Variants in NOBOX observed in about 807,000 individuals in gnomAD.
NOBOX encodes the protein NOBOX oogenesis homeobox.
Under a neutral mutation model 60.2 loss-of-function variants are expected in NOBOX, and 46 were observed. The observed-to-expected ratio is 0.76, with a 90% CI of 0.60 to 0.98. NOBOX has a LOEUF of 0.98. Ranked by LOEUF, NOBOX falls within the 50% of genes least tolerant of loss-of-function variation. NOBOX has a pLI of 0.00. For missense variants in NOBOX, 880 were observed against 865.5 expected, an observed-to-expected ratio of 1.02 and a Z score of -0.21; for synonymous variants, 360 against 346.3, an observed-to-expected ratio of 1.04 and a Z score of -0.44.
At chr7:144,403,723 C>T (rs887871235) in intron 2 of NOBOX, 30 bp from the exon 1 acceptor site, 5 of 699,260 alleles carry the variant, frequency 7.2e-6, no homozygotes, top group Admixed American at 6.0e-5. Flanking sequence ...GCGGCCGGCC[C>T]GTGATGCACA....
At chr7:144,399,347 T>C (rs1232184235) in intron 7 of NOBOX, 50 bp downstream of exon 5, 1 of 1,354,428 alleles carries the variant, frequency 7.4e-7, no homozygotes, top group African/African-American at 1.4e-5. Context: ...AGGCCTGTCT[T>C]CACTATCTTT....
chr7:144,402,328 C>T (rs1286975604), intron 2 of NOBOX, among the ~76,000 whole-genome samples: 3 of 152,120 alleles, frequency 2.0e-5, no homozygotes, highest in African/African-American at 7.2e-5. Context: ...CTAAAGCTTG[C>T]CTTCCTTTCT....
chr7:144,399,545 T>C, intron 6 of NOBOX, 63 bp from the exon 5 acceptor site: 2 of 1,373,074 alleles, frequency 1.5e-6, no homozygotes, highest in Admixed American at 4.0e-5. Flanking sequence ...AGGTGCCTCA[T>C]TGCCAGGAGA....
At chr7:144,403,793 GGGCC>G (rs1563130325) in intron 2 of NOBOX, 100 bp from the exon 1 acceptor site, 10 of 492,250 alleles carry the variant, frequency 2.0e-5, no homozygotes, top group South Asian at 1.4e-4. Context: ...GGGCCGGGCC[GGGCC>G]GGGGGAGCCG....
chr7:144,398,611 T>C, intron 8 of NOBOX, 25 bp from the exon 7 acceptor site: 1 of 1,517,972 alleles, frequency 6.6e-7, no homozygotes, highest in Non-Finnish European at 8.8e-7. Context: ...GAACAGCTGG[T>C]GAGGTGCAGG....
In NOBOX at chr7:144,398,486, G is replaced by A. The variant is rs369560768; in HGVS notation, c.1570C>T (p.Gln524Ter). The A allele has an allele frequency of 2.0e-6, 3 of 1,536,980 alleles. No homozygotes were observed. Among genetic ancestry groups the A allele is most frequent in the Non-Finnish European group, 2.6e-6 (3 of 1,146,850 alleles). Residue 524 changes from glutamine (Q) to a stop codon, truncating the protein, a stop_gained, in exon 9 of 10, where the codon CAG becomes TAG. Coordinates refer to ENST00000467773, the MANE Select transcript of NOBOX (RefSeq NM_001080413.3). LOFTEE classifies it high-confidence loss of function. ...TGAGGGGACTGGAAAAGCGGGGGCTGTGGAGCCTGGGAGAACTGGAAGGGT... is the reference window on the plus strand; with the variant it reads ...TGAGGGGACTGGAAAAGCGGGGGCTATGGAGCCTGGGAGAACTGGAAGGGT...
In NOBOX at chr7:144,397,338, G is replaced by A. The variant is rs1441748076; in HGVS notation, c.1978C>T (p.Leu660Phe). The change falls in exon 10 of 10, where the codon CTC (leucine) becomes TTC (phenylalanine). Residue 660 changes from leucine to phenylalanine, a missense_variant. Physicochemically the swap from Leu to Phe is conservative, Grantham distance 22. Transcript: ENST00000467773. ...GGTGGTTCCTCTTTTGCCTTGCTGA[G>A]TAAGGGCCCAGTCCCTGGTCTGGCC... 4 of 1,537,292 alleles carry A rather than the reference G, an allele frequency of 2.6e-6. No homozygotes were observed. The highest frequency in any genetic ancestry group is 2.4e-5 in the East Asian group (1 of 40,918).
intron 1 of NOBOX, among the ~76,000 whole-genome samples, chr7:144,408,544 A>G (rs1278062773): frequency 1.3e-5 from 2 of 152,182 alleles, no homozygotes; most frequent in African/African-American, 2.4e-5. Context: ...ATGAAGTTCT[A>G]TCATATGATT....
rs749172175 is a variant in NOBOX, at chr7:144,399,844, C to A, written c.1067G>T (p.Arg356Leu). 6.2e-7 allele frequency: 1 copy of A among 1,611,936 alleles called. No individual in the cohort carries two copies. The highest frequency in any genetic ancestry group is 8.5e-7 in the Non-Finnish European group (1 of 1,178,472). ...TTTCTCCATTTTTCGCCACTTGGCC[C>A]GGCGATTCTGGAACCACACCTATGG... Residue 356 changes from arginine (R) to leucine (L), a missense_variant, in exon 6 of 10, where the codon CGG becomes CTG. Physicochemically the swap from Arg to Leu is moderately radical, Grantham distance 102 (BLOSUM62 -2). Coordinates refer to ENST00000467773, the MANE Select transcript of NOBOX (RefSeq NM_001080413.3).
intron 7 of NOBOX, 35 bp downstream of exon 5, chr7:144,399,362 G>T (rs1468507335): frequency 4.2e-6 from 6 of 1,434,824 alleles, no homozygotes; most frequent in South Asian, 3.7e-5. Flanking sequence ...ATCTTTAGTT[G>T]CCATTTTCCC....
chr7:144,405,314 A>C (rs1223712149), intron 1 of NOBOX, among the ~76,000 whole-genome samples: 1 of 152,146 alleles, frequency 6.6e-6, no homozygotes, highest in African/African-American at 2.4e-5. Context: ...TTCCAGGATC[A>C]TTTGATGGTG....
At chr7:144,402,980 C>G (rs1246968053) in intron 2 of NOBOX, among the ~76,000 whole-genome samples, 1 of 152,170 alleles carries the variant, frequency 6.6e-6, no homozygotes, top group African/African-American at 2.4e-5. Context: ...TGGTCTCCAA[C>G]TCCTGACCTC....
At chr7:144,402,834 G>A (rs919969834) in intron 2 of NOBOX, among the ~76,000 whole-genome samples, 2 of 133,066 alleles carry the variant, frequency 1.5e-5, no homozygotes, top group African/African-American at 5.8e-5. Context: ...CTGGCTCACT[G>A]CAACCTTGGC....
intron 1 of NOBOX, among the ~76,000 whole-genome samples, chr7:144,407,812 C>T (rs988997211): frequency 1.3e-5 from 2 of 152,212 alleles, no homozygotes; most frequent in African/African-American, 4.8e-5. Context: ...ACTTCTAATG[C>T]CCTTGCCCCA....
chr7:144,403,510 T>TCCCCCCCCCC, intron 2 of NOBOX, 147 bp downstream of exon 1: 3 of 349,462 alleles, frequency 8.6e-6, no homozygotes, highest in South Asian at 2.5e-5. Context: ...GTCGGCCTCC[T>TCCCCCCCCCC]CCCACCCTAC....
chr7:144,403,600 C>G (rs1342067905), intron 2 of NOBOX, 57 bp downstream of exon 1: 1 of 678,730 alleles, frequency 1.5e-6, no homozygotes, highest in African/African-American at 1.8e-5. Context: ...CAGGCCTCCC[C>G]CCCTCCCCGA....
chr7:144,403,512 C>T, intron 2 of NOBOX, 145 bp downstream of exon 1: 1 of 288,664 alleles, frequency 3.5e-6, no homozygotes, highest in South Asian at 2.8e-5. Flanking sequence ...CGGCCTCCTC[C>T]CACCCTACCC....
chr7:144,407,411 G>T (rs1290125997), intron 1 of NOBOX, among the ~76,000 whole-genome samples: 1 of 152,244 alleles, frequency 6.6e-6, no homozygotes, highest in Non-Finnish European at 1.5e-5. Flanking sequence ...TCTGCAGGGA[G>T]ATTGTAGTCA....
intron 2 of NOBOX, among the ~76,000 whole-genome samples, chr7:144,403,915 GC>G (rs1187534666): frequency 6.6e-6 from 1 of 151,972 alleles, no homozygotes; most frequent in African/African-American, 2.4e-5. Context: ...GGGCCTGGGC[GC>G]CGCCTGCTCC....
Sources: allele counts gnomAD v4.1 joint callset (sites outside exome capture counted in the v4.1 genomes callset), GRCh38; gene constraint gnomAD v4.1.1; transcripts MANE v1.5; gene names NCBI Gene and HGNC (gene_info 2026-07-23, HGNC 2026-07-21).